ADH7: variants seen among roughly 807,000 people sequenced by gnomAD.
ADH7 encodes the protein alcohol dehydrogenase 7 (class IV), mu or sigma polypeptide, also known as all-trans-retinol dehydrogenase [NAD(+)] ADH7.
ADH7 carries 41 observed loss-of-function variants against 34.4 expected under a neutral mutation model. The observed-to-expected ratio is 1.19, with a 90% confidence interval of 0.93 to 1.55. The LOEUF (loss-of-function observed/expected upper bound fraction) is 1.55, where lower values mean the gene tolerates loss of function less well. Ranked by LOEUF, ADH7 falls within the 40% of genes most tolerant of loss-of-function variation. ADH7 has a pLI of 0.00. For synonymous variants in ADH7, 180 were observed against 160.9 expected (o/e 1.12, Z -0.90); for missense variants, 540 against 461.2 (o/e 1.17, Z -1.56).
rs768043074 is a variant in ADH7, at chr4:99,420,574, C to T, written c.784G>A (p.Val262Met). The change falls in exon 6 of 9, where the codon GTG (valine) becomes ATG (methionine). Residue 262 changes from valine (V) to methionine (M), a missense_variant. Val to Met is a conservative substitution (Grantham distance 21, BLOSUM62 1). Transcript: ENST00000437033. The part of the protein sequence containing the change: ...EVLSEMTGNN[V>M]GYTFEVIGHL... ...CCAATAACTTCAAAGGTGTATCCCACGTTGTTGCCTGTCATTTCTGACAGC... is the reference window on the plus strand; with the variant it reads ...CCAATAACTTCAAAGGTGTATCCCATGTTGTTGCCTGTCATTTCTGACAGC... 23 of 1,613,784 alleles carry T rather than the reference C, an allele frequency of 1.4e-5. No homozygotes were observed. Among genetic ancestry groups the T allele is most frequent in the South Asian group, 3.3e-5 (3 of 91,074 alleles).
chr4:99,427,502 TG>T (rs902978282), intron 5 of ADH7, among the ~76,000 whole-genome samples: 1 of 152,054 alleles, frequency 6.6e-6, no homozygotes, highest in Non-Finnish European at 1.5e-5. Context: ...ACTTAACATA[TG>T]GGGAAGGGGT....
intron 5 of ADH7, among the ~76,000 whole-genome samples, chr4:99,424,306 A>G (rs1308567052): frequency 6.6e-6 from 1 of 152,120 alleles, no homozygotes; most frequent in Non-Finnish European, 1.5e-5. Context: ...TTGAAGTCAC[A>G]TAGCGTGATG....
intron 6 of ADH7, 51 bp downstream of exon 6, chr4:99,420,482 G>A: frequency 1.3e-6 from 2 of 1,553,636 alleles, no homozygotes; most frequent in Non-Finnish European, 1.8e-6. Flanking sequence ...TTTACCTTGT[G>A]CATGTCTAAT....
At chr4:99,429,684 C>G (rs1331997450) in intron 1 of ADH7, 51 bp from the exon 2 acceptor site, 5 of 1,314,016 alleles carry the variant, frequency 3.8e-6, no homozygotes, top group African/African-American at 1.5e-5. Context: ...CTTTAACTTA[C>G]AGACTCCCTG....
At chr4:99,426,351 G>C (rs1012099544) in intron 5 of ADH7, among the ~76,000 whole-genome samples, 2 of 152,058 alleles carry the variant, frequency 1.3e-5, no homozygotes, top group Non-Finnish European at 2.9e-5. Context: ...GAATCAAATA[G>C]ATGCAATAAA....
At chr4:99,417,996 C>A (rs1721558888) in intron 7 of ADH7, among the ~76,000 whole-genome samples, 1 of 152,134 alleles carries the variant, frequency 6.6e-6, no homozygotes, top group African/African-American at 2.4e-5. Context: ...TCCCATGGAC[C>A]AGCTTTAAAT....
intron 2 of ADH7, among the ~76,000 whole-genome samples, chr4:99,429,118 C>T (rs1177897566): frequency 6.6e-6 from 1 of 152,116 alleles, no homozygotes; most frequent in East Asian, 1.9e-4. Context: ...TAAGCTCTGT[C>T]CAAAGAAAGG....
chr4:99,433,055 C>G (rs1721972523), intron 1 of ADH7, among the ~76,000 whole-genome samples: 1 of 152,068 alleles, frequency 6.6e-6, no homozygotes, highest in Admixed American at 6.6e-5. Flanking sequence ...GCCATCTTAC[C>G]TATGTCAACC....
chr4:99,422,960 C>A (rs1299651500), intron 5 of ADH7, among the ~76,000 whole-genome samples: 4 of 145,580 alleles, frequency 2.7e-5, no homozygotes, highest in Admixed American at 2.1e-4. Context: ...ATGTGCCATG[C>A]TGGTGTGCTG....
chr4:99,413,172 G>T lies in ADH7; in HGVS notation c.1101C>A (p.Ser367Arg). 6.2e-7 allele frequency: 1 copy of T among 1,613,274 alleles called. No individual in the cohort carries two copies. Among genetic ancestry groups the T allele is most frequent in the Non-Finnish European group, 8.5e-7 (1 of 1,179,456 alleles). ...CTCAAAACGTCAGGACCGTTCGAAT[G>T]CTGAAATGTAAAATGAGAGTTTTTA... is the stretch of plus-strand genomic sequence containing the variant. ...EGFELLNSGQ[S>R]IRTVLTF The change falls in exon 9 of 9, where the codon AGC becomes AGA. Residue 367 changes from serine to arginine, a missense_variant and splice_region_variant. By Grantham distance (110) the Ser-to-Arg change is moderately radical. Transcript: ENST00000437033.
chr4:99,416,873 C>T (rs557495883), intron 7 of ADH7, among the ~76,000 whole-genome samples: 1 of 152,112 alleles, frequency 6.6e-6, no homozygotes, highest in Admixed American at 6.6e-5. Context: ...CCCTAGCCCC[C>T]AATCTATTCC....
At chr4:99,418,917 G>C (rs1721583021) in intron 7 of ADH7, 69 bp downstream of exon 7, 1 of 1,568,290 alleles carries the variant, frequency 6.4e-7, no homozygotes, top group South Asian at 1.2e-5. Flanking sequence ...GAGGAAACAG[G>C]CTTCTCCCAC....
chr4:99,418,877 A>C, intron 7 of ADH7, 109 bp downstream of exon 7: 1 of 1,288,322 alleles, frequency 7.8e-7, no homozygotes, highest in Non-Finnish European at 1.1e-6. Flanking sequence ...ATTTTAGATC[A>C]CTTCATACTC....
At position 99,435,124 on chromosome 4, in the gene ADH7, A is replaced by C. The variant is rs573597055; in HGVS notation, c.18+92T>G. On this transcript the variant is annotated intron_variant, in intron 1 of 8. Coordinates refer to ENST00000437033, the MANE Select transcript of ADH7 (RefSeq NM_000673.7). ...TTTCATTCCTCAAGGAATATCTCCAAGTGTTTAATTACTTTAATGGATTCA... is the reference window on the plus strand; with the variant it reads ...TTTCATTCCTCAAGGAATATCTCCACGTGTTTAATTACTTTAATGGATTCA... 152 of 1,558,076 alleles carry C rather than the reference A, an allele frequency of 9.8e-5. 1 individual carries two copies. The African/African-American group carries it at 1.9e-3, about 19-fold the overall frequency.
At position 99,413,081 on chromosome 4, in the gene ADH7, T is replaced by A; in HGVS notation, c.*67A>T. 1.3e-6 allele frequency: 2 copies of A among 1,508,890 alleles called. No homozygotes were observed. Among genetic ancestry groups the A allele is most frequent in the Non-Finnish European group, 1.8e-6 (2 of 1,088,072 alleles). The allele number at this position is 1,508,890 out of a possible 1,614,324, so 93.5% of individuals were successfully genotyped here. ...TGTGAGACAGATACATGATTTCAGA[T>A]GAGGGAACTCTCACAAGAGAAACTC... On this transcript the variant is annotated 3_prime_UTR_variant, in exon 9 of 9. Coordinates refer to ENST00000437033, the MANE Select transcript of ADH7 (RefSeq NM_000673.7).
At chr4:99,420,508 T>C (rs750609334) in intron 6 of ADH7, 25 bp downstream of exon 6, 1 of 1,605,998 alleles carries the variant, frequency 6.2e-7, no homozygotes, top group Admixed American at 1.7e-5. Flanking sequence ...GGGTATTTTG[T>C]GGCTTCTCAA....
intron 2 of ADH7, among the ~76,000 whole-genome samples, chr4:99,429,033 C>T (rs1011451314): frequency 6.6e-6 from 1 of 152,150 alleles, no homozygotes; most frequent in Non-Finnish European, 1.5e-5. Flanking sequence ...TACTGTTGTG[C>T]TCAGGTAACA....
chr4:99,430,167 C>G (rs185302483), intron 1 of ADH7: 2 of 152,418 alleles, frequency 1.3e-5, no homozygotes, highest in African/African-American at 4.8e-5. Context: ...CCATGAACAT[C>G]ATGAAGCATA....
intron 1 of ADH7, among the ~76,000 whole-genome samples, chr4:99,432,234 T>C (rs1473614323): frequency 1.3e-5 from 2 of 152,148 alleles, no homozygotes; most frequent in African/African-American, 2.4e-5. Context: ...AAATACTACA[T>C]GTTCTCACTT....
Sources: allele counts gnomAD v4.1 joint callset (sites outside exome capture counted in the v4.1 genomes callset), GRCh38; gene constraint gnomAD v4.1.1; transcripts MANE v1.5; gene names NCBI Gene and HGNC (gene_info 2026-07-23, HGNC 2026-07-21).